TFAP2A: variants seen among roughly 807,000 people sequenced by gnomAD.
The protein encoded by TFAP2A is transcription factor AP-2 alpha.
A neutral mutation model predicts 41.5 loss-of-function variants in TFAP2A; 7 were observed. The ratio of observed to expected loss-of-function variants is 0.17; its 90% CI spans 0.10 to 0.32. The LOEUF (loss-of-function observed/expected upper bound fraction) is 0.32, where lower values mean the gene tolerates loss of function less well. Ranked by LOEUF, TFAP2A falls within the 10% of genes least tolerant of loss-of-function variation. TFAP2A has a pLI of 1.00. For missense variants in TFAP2A, 416 were observed against 563.3 expected, an observed-to-expected ratio of 0.74 and a Z score of 2.65; for synonymous variants, 247 against 242.8, an observed-to-expected ratio of 1.02 and a Z score of -0.16.
chr6:10,417,682 C>T (rs1758296987), upstream of TFAP2A, among the ~76,000 whole-genome samples: 1 of 152,200 alleles, frequency 6.6e-6, no homozygotes, highest in Non-Finnish European at 1.5e-5. Flanking sequence ...GAACGACTCT[C>T]TTTTCTCCGA....
upstream of TFAP2A, chr6:10,415,483 A>C (rs1758208624): frequency 2.6e-5 from 6 of 231,526 alleles, no homozygotes; most frequent in Middle Eastern, 1.7e-3. Context: ...CTGCCCCAAC[A>C]CCCCCTCTCT....
intron 4 of TFAP2A, among the ~76,000 whole-genome samples, chr6:10,404,230 A>C (rs946341091): frequency 6.6e-6 from 1 of 152,186 alleles, no homozygotes; most frequent in African/African-American, 2.4e-5. Context: ...AGGAGGGCGG[A>C]GCGGAGGACT....
intron 3 of TFAP2A, chr6:10,405,375 C>T (rs1561710042): frequency 6.6e-6 from 1 of 152,138 alleles, no homozygotes; most frequent in African/African-American, 2.4e-5. Flanking sequence ...ATTTTGAAAA[C>T]GTCTCAGTTT....
At chr6:10,417,053 GTCAGGA>G (rs1344714983), upstream of TFAP2A, 1 of 152,664 alleles carries the variant, frequency 6.6e-6, no homozygotes, top group Non-Finnish European at 1.5e-5. Flanking sequence ...GTGGTTTGAA[GTCAGGA>G]TCTGGGCTGC....
upstream of TFAP2A, chr6:10,419,634 C>T (rs754226468): frequency 7.1e-6 from 5 of 703,474 alleles, no homozygotes; most frequent in Non-Finnish European, 1.3e-5. Flanking sequence ...GAATTCACTC[C>T]GCCAGCTGCA....
chr6:10,414,956 C>G lies in TFAP2A; in HGVS notation c.36G>C (p.Lys12Asn). ...TCGCGCTTACCTCGCAGTCCTCGTA[C>G]TTGATATTATCCGTCAATTTCCAAA... ...KMLWKLTDNI[K>N]YEDCEDRHDG... The change falls in exon 1 of 7, where the codon AAG becomes AAC. Residue 12 changes from lysine to asparagine, a missense_variant. By Grantham distance (94) the Lys-to-Asn change is moderately conservative (BLOSUM62 0). Around this residue, in one of 3 missense-constraint regions of TFAP2A, gnomAD observed 241 missense variants for 274.1 expected, o/e 0.88. Transcript: ENST00000379613. 6.2e-7 allele frequency: 1 copy of G among 1,613,994 alleles called. No individual in the cohort carries two copies. Among genetic ancestry groups the G allele is most frequent in the Non-Finnish European group, 8.5e-7 (1 of 1,180,018 alleles).
chr6:10,412,358 A>C, intron 1 of TFAP2A: 3 of 876,980 alleles, frequency 3.4e-6, no homozygotes, highest in Non-Finnish European at 4.1e-6. Context: ...GAGAGGGAGA[A>C]TGTGTCTGCG....
intron 4 of TFAP2A, 28 bp downstream of exon 4, chr6:10,404,480 G>C: frequency 2.0e-6 from 3 of 1,476,852 alleles, no homozygotes; most frequent in Non-Finnish European, 2.7e-6. Context: ...CCGCGGGGCG[G>C]GGCGGGCGGG....
intron 5 of TFAP2A, among the ~76,000 whole-genome samples, chr6:10,401,714 A>G (rs12195770): frequency 0.1 from 15,441 of 152,210 alleles, 880 homozygotes; most frequent in Middle Eastern, 0.22. Flanking sequence ...TAGGACACAA[A>G]GAAAAACACA....
At chr6:10,400,736 T>C (rs909548259) in intron 5 of TFAP2A, 147 bp from the exon 6 acceptor site, 1 of 949,810 alleles carries the variant, frequency 1.1e-6, no homozygotes, top group African/African-American at 1.6e-5. Context: ...AGGCATTTTA[T>C]TTCCTTCTCT....
At chr6:10,402,234 T>C (rs1762036199) in intron 5 of TFAP2A, 1 of 564,484 alleles carries the variant, frequency 1.8e-6, no homozygotes, top group Non-Finnish European at 3.4e-6. Flanking sequence ...GTTCTTAAAC[T>C]TGTGCGTTGT....
At chr6:10,408,973 C>T (rs1757833784) in intron 2 of TFAP2A, 1 of 152,196 alleles carries the variant, frequency 6.6e-6, no homozygotes, top group Non-Finnish European at 1.5e-5. Flanking sequence ...GCAGCTTTAA[C>T]AGAAGCCTTT....
In TFAP2A at chr6:10,398,684, G is replaced by A. The variant is rs140377026; in HGVS notation, c.1053C>T (p.Thr351=). ...LATKQICKEF[T]DLLAQDRSPL... ...GAGATCGGTCCTGAGCCAGCAGGTC[G>A]GTGAACTCTTTGCATATCTGTCTGC... Residue 351 remains threonine, a synonymous_variant, in exon 7 of 7, where the codon ACC becomes ACT. Transcript: ENST00000379613. This position sits in a 1 kb window ranked among gnomAD's most constrained non-coding sequence, Gnocchi z 5.3. 2.7e-4 allele frequency: 430 copies of A among 1,614,098 alleles called. 4 individuals are homozygous for A. Among genetic ancestry groups the A allele is most frequent in the Non-Finnish European group, 2.8e-5 (33 of 1,180,000 alleles).
At chr6:10,407,460 C>T (rs561539656) in intron 2 of TFAP2A, 260 of 151,604 alleles carry the variant, frequency 1.7e-3, no homozygotes, top group Non-Finnish European at 2.0e-3. Context: ...TGTCCAACAG[C>T]AGGTTTGTTG....
chr6:10,419,465 C>A (rs761175309), upstream of TFAP2A: 3 of 1,614,176 alleles, frequency 1.9e-6, no homozygotes, highest in Non-Finnish European at 2.5e-6. Flanking sequence ...GCTCTGCGCT[C>A]CTGGCGACTG....
Position 10,397,746 on chromosome 6 carries a change from ACT to A in TFAP2A, c.*669_*670del. The stretch of plus-strand genomic sequence containing the variant: ...AATAAATATATACAGAGACGTGAAC[ACT>A]GATTCCCTTATATAACTGCGAATCG... On this transcript the variant is annotated 3_prime_UTR_variant, in exon 7 of 7. Coordinates refer to ENST00000379613, the MANE Select transcript of TFAP2A (RefSeq NM_001372066.1). 2.0e-6 allele frequency: 1 copy of A among 494,242 alleles called. No individual in the cohort carries two copies. Among genetic ancestry groups the A allele is most frequent in the Non-Finnish European group, 2.6e-6 (1 of 381,148 alleles). The allele number at this position is 494,242 out of a possible 1,614,324, so 30.6% of individuals were successfully genotyped here.
rs1334796537 is a variant in TFAP2A at position 10,402,530 on chromosome 6, T to G, written c.851A>C (p.Lys284Thr). The G allele has an allele frequency of 6.2e-7, 1 of 1,614,094 alleles. No individual in the cohort carries two copies. ...TGTGAGCAGGGTAACGTTGGCAGCT[T>G]TACGTCTCCCTGCAGGCAGATTTAA... ...IGLNLPAGRRKAANVTLLTSL... is the reference protein window; with the variant it reads ...IGLNLPAGRRTAANVTLLTSL... Residue 284 changes from lysine to threonine, a missense_variant, in exon 5 of 7, where the codon AAA becomes ACA. Physicochemically the swap from Lys to Thr is moderately conservative, Grantham distance 78. This residue lies in a region of TFAP2A where 59 missense variants were observed against 135.4 expected (regional missense o/e 0.44). Transcript: ENST00000379613.
chr6:10,419,320 C>G (rs183883665), upstream of TFAP2A: 4 of 1,453,276 alleles, frequency 2.8e-6, no homozygotes, highest in African/African-American at 5.6e-5. Flanking sequence ...ACTCCCCTGC[C>G]CTGGGCCACG....
At chr6:10,404,960 C>G in intron 3 of TFAP2A, 3 of 596,346 alleles carry the variant, frequency 5.0e-6, no homozygotes, top group South Asian at 2.0e-5. Context: ...CCTGCCCTCC[C>G]CCAGCCAGCC....
Sources: allele counts gnomAD v4.1 joint callset (sites outside exome capture counted in the v4.1 genomes callset), GRCh38; gene constraint gnomAD v4.1.1; regional missense constraint gnomAD v4.1.1; non-coding constraint Gnocchi (gnomAD v3.1); transcripts MANE v1.5; gene names NCBI Gene and HGNC (gene_info 2026-07-23, HGNC 2026-07-21).